GBE1: variants seen among roughly 807,000 people sequenced by gnomAD.
GBE1 encodes 1,4-alpha-glucan branching enzyme 1, also known as 1,4-alpha-glucan-branching enzyme.
A neutral mutation model predicts 88.8 loss-of-function variants in GBE1; 70 were observed. That is an observed-to-expected ratio of 0.79 (90% CI 0.65 to 0.96). The LOEUF (loss-of-function observed/expected upper bound fraction) is 0.96, where lower values mean the gene tolerates loss of function less well. Among genes scored for constraint, GBE1 ranks in the 40% least tolerant of loss-of-function variants. GBE1 has a pLI of 0.00. For missense variants in GBE1, 872 were observed against 871.0 expected (o/e 1.00, Z -0.01); for synonymous variants, 284 against 300.1 (o/e 0.95, Z 0.56).
chr3:81,748,528 G>A (rs577597594), intron 1 of GBE1, among the ~76,000 whole-genome samples: 7 of 151,014 alleles, frequency 4.6e-5, no homozygotes, highest in African/African-American at 1.7e-4. Context: ...GGAGAATGGC[G>A]TGAACCCGGG....
chr3:81,666,906 C>A (rs1705120670), intron 3 of GBE1, among the ~76,000 whole-genome samples: 2 of 152,144 alleles, frequency 1.3e-5, no homozygotes, highest in African/African-American at 4.8e-5. Context: ...GAAAGCTGTT[C>A]CAGCTCCTTT....
chr3:81,675,287 G>A (rs1705237000), intron 2 of GBE1, among the ~76,000 whole-genome samples: 1 of 152,016 alleles, frequency 6.6e-6, no homozygotes, highest in South Asian at 2.1e-4. Context: ...AATCAAAAAT[G>A]TCATAAATAA....
chr3:81,515,096 T>A (rs1373311349), intron 14 of GBE1, among the ~76,000 whole-genome samples: 4 of 151,628 alleles, frequency 2.6e-5, no homozygotes, highest in Non-Finnish European at 1.5e-5. Context: ...ATGATACTAC[T>A]GCACCAGCAT....
intron 12 of GBE1, among the ~76,000 whole-genome samples, chr3:81,545,557 C>G (rs990901047): frequency 2.4e-4 from 37 of 151,808 alleles, no homozygotes; most frequent in African/African-American, 7.7e-4. Context: ...TCTATCACAG[C>G]CTCCCTTTTG....
chr3:81,626,264 A>C (rs538726382), intron 7 of GBE1, among the ~76,000 whole-genome samples: 1 of 152,338 alleles, frequency 6.6e-6, no homozygotes, highest in Admixed American at 6.5e-5. Flanking sequence ...TCAAGGACAT[A>C]AGGTTCAAAC....
intron 12 of GBE1, among the ~76,000 whole-genome samples, chr3:81,540,138 G>A (rs934852648): frequency 7.2e-5 from 11 of 151,860 alleles, no homozygotes; most frequent in East Asian, 1.9e-4. Flanking sequence ...AAATGCTACC[G>A]AAAAATAAAA....
At chr3:81,559,991 GAAAC>G (rs1261122415) in intron 12 of GBE1, among the ~76,000 whole-genome samples, 2 of 151,854 alleles carry the variant, frequency 1.3e-5, no homozygotes, top group African/African-American at 2.4e-5. Context: ...TTAAAAGAAA[GAAAC>G]AAAGAGACAG....
intron 7 of GBE1, among the ~76,000 whole-genome samples, chr3:81,631,566 C>T: frequency 6.6e-6 from 1 of 150,800 alleles, no homozygotes; most frequent in Non-Finnish European, 1.5e-5. Context: ...GAAACCCCGT[C>T]TCTACTAAAA....
At chr3:81,750,366 A>G (rs1706479745) in intron 1 of GBE1, among the ~76,000 whole-genome samples, 1 of 151,224 alleles carries the variant, frequency 6.6e-6, no homozygotes, top group African/African-American at 2.4e-5. Flanking sequence ...AAGACTTAGC[A>G]TAAATTAATG....
chr3:81,499,285 C>A lies in GBE1; in HGVS notation c.1935-58G>T. The A allele has an allele frequency of 4.0e-6, 4 of 1,008,270 alleles. No individual in the cohort carries two copies. In the South Asian group the frequency reaches 4.1e-5, roughly 10 times the overall value. 62.5% of individuals were successfully genotyped at this position (1,008,270 alleles called of 1,614,324 possible). ...GAGTTGAATGAGACATTGTAAAATA[C>A]GTGCTGAGAGAGCAATTTAGAAGTG... On this transcript the variant is annotated intron_variant, in intron 14 of 15. Transcript: ENST00000429644.
At chr3:81,502,229 C>A (rs531035420) in intron 14 of GBE1, among the ~76,000 whole-genome samples, 1 of 152,152 alleles carries the variant, frequency 6.6e-6, no homozygotes, top group South Asian at 2.1e-4. Flanking sequence ...TTTTCTCAAT[C>A]AAAGGACAGT....
chr3:81,754,200 C>A (rs1706571986), intron 1 of GBE1, among the ~76,000 whole-genome samples: 1 of 151,900 alleles, frequency 6.6e-6, no homozygotes, highest in Non-Finnish European at 1.5e-5. Context: ...GAAAGCAATC[C>A]CATTTACAAT....
chr3:81,597,768 G>A (rs1042893377), intron 7 of GBE1, among the ~76,000 whole-genome samples: 1 of 151,592 alleles, frequency 6.6e-6, no homozygotes, highest in African/African-American at 2.4e-5. Context: ...GCCTAATATA[G>A]AAACTGAATA....
At chr3:81,740,790 A>AC in intron 1 of GBE1, among the ~76,000 whole-genome samples, 1 of 151,714 alleles carries the variant, frequency 6.6e-6, no homozygotes. Flanking sequence ...ACACACACAC[A>AC]ATTTATTTAA....
chr3:81,547,318 C>T (rs1176584908), intron 12 of GBE1, among the ~76,000 whole-genome samples: 1 of 151,396 alleles, frequency 6.6e-6, no homozygotes, highest in Admixed American at 6.6e-5. Context: ...GTAAAGTCCT[C>T]GGATAAGAAC....
Position 81,612,801 on chromosome 3 carries a change from T to C in GBE1, c.993-18778A>G, listed in dbSNP as rs148423288. 242 of 430,798 alleles carry C rather than the reference T, an allele frequency of 5.6e-4. 2 individuals are homozygous for C. Among genetic ancestry groups the C allele is most frequent in the African/African-American group, 4.6e-3 (226 of 48,722 alleles). 26.7% of individuals were successfully genotyped at this position (430,798 alleles called of 1,614,324 possible). ...CACAGCAGGAGGTGGTCCAGAGAGC[T>C]TCTTTACCTGATTTGCTGACTATTC... is the stretch of plus-strand genomic sequence containing the variant. On this transcript the variant is annotated intron_variant, in intron 7 of 15. Transcript: ENST00000429644.
chr3:81,648,700 C>T (rs563227128), intron 5 of GBE1, among the ~76,000 whole-genome samples, 156 bp downstream of exon 5: 1 of 152,034 alleles, frequency 6.6e-6, no homozygotes, highest in African/African-American at 2.4e-5. Context: ...TATGCTATCA[C>T]TATTACAGGG....
chr3:81,510,083 C>G (rs1702705256), intron 14 of GBE1, among the ~76,000 whole-genome samples: 1 of 152,002 alleles, frequency 6.6e-6, no homozygotes, highest in Non-Finnish European at 1.5e-5. Flanking sequence ...CTTTCCATAT[C>G]TACTTTACTG....
chr3:81,581,063 G>T (rs9870056), intron 11 of GBE1, 102 bp downstream of exon 11: 4 of 691,710 alleles, frequency 5.8e-6, no homozygotes, highest in Admixed American at 2.8e-5. Context: ...AACTACAGAG[G>T]TTTATATTTC....
Sources: gnomAD v4.1 joint callset for allele counts (sites outside exome capture counted in the v4.1 genomes callset) on GRCh38, gnomAD v4.1.1 for gene constraint, MANE v1.5 for transcripts, NCBI Gene and HGNC (gene_info 2026-07-23, HGNC 2026-07-21) for gene names.